Variants in TCF20 observed in about 807,000 individuals in gnomAD.
TCF20 encodes the protein SPRE-binding protein.
A neutral mutation model predicts 148.6 loss-of-function variants in TCF20; 3 were observed. The ratio of observed to expected loss-of-function variants is 0.02; its 90% CI spans 0.01 to 0.05. The LOEUF is 0.05. TCF20 is among the 10% of genes least tolerant of loss of function. The pLI is 1.00. For missense variants in TCF20, 2,350 were observed against 2,429.3 expected (o/e 0.97, Z 0.69); for synonymous variants, 1,049 against 909.5 (o/e 1.15, Z -2.76).
intron 3 of TCF20, among the ~76,000 whole-genome samples, chr22:42,174,853 G>A (rs937513933): frequency 3.3e-5 from 5 of 152,098 alleles, no homozygotes; most frequent in African/African-American, 1.2e-4. Context: ...GGCTAACACG[G>A]TGAAACCCCG....
At chr22:42,259,095 C>T (rs865865446) in intron 1 of TCF20, among the ~76,000 whole-genome samples, 6 of 152,290 alleles carry the variant, frequency 3.9e-5, no homozygotes, top group South Asian at 2.1e-4. Flanking sequence ...GCCTCTGACA[C>T]GAAAAAGTCT....
chr22:42,163,968 C>T (rs1935620480), intron 5 of TCF20, among the ~76,000 whole-genome samples: 2 of 152,104 alleles, frequency 1.3e-5, no homozygotes, highest in Admixed American at 6.6e-5. Context: ...ACGCCATCCT[C>T]GCGTCCTTCC....
intron 1 of TCF20, among the ~76,000 whole-genome samples, chr22:42,256,791 T>C (rs1356515016): frequency 6.6e-6 from 1 of 152,100 alleles, no homozygotes; most frequent in East Asian, 1.9e-4. Flanking sequence ...TTTATAGGAG[T>C]CATCTGGCTG....
At chr22:42,294,505 G>A (rs9623553) in intron 1 of TCF20, among the ~76,000 whole-genome samples, 8 of 152,158 alleles carry the variant, frequency 5.3e-5, no homozygotes, top group Admixed American at 5.2e-4. Flanking sequence ...AGTGCTCCCA[G>A]GCGAGCAGGT....
At chr22:42,250,318 C>T (rs1360132320) in intron 1 of TCF20, among the ~76,000 whole-genome samples, 2 of 151,888 alleles carry the variant, frequency 1.3e-5, no homozygotes, top group South Asian at 2.1e-4. Context: ...GGTGGCGGGG[C>T]GCCTGTAATC....
At chr22:42,172,086 G>A (rs955423272) in intron 3 of TCF20, among the ~76,000 whole-genome samples, 8 of 152,228 alleles carry the variant, frequency 5.3e-5, no homozygotes, top group Admixed American at 3.9e-4. Context: ...TGGAAATGAA[G>A]TCTCCTACAG....
At chr22:42,316,845 A>T (rs1273369576) in intron 1 of TCF20, among the ~76,000 whole-genome samples, 1 of 152,144 alleles carries the variant, frequency 6.6e-6, no homozygotes, top group Non-Finnish European at 1.5e-5. Flanking sequence ...TTTGGCCTCC[A>T]GCCCCTCTGA....
rs756339281 is a variant in TCF20, at chr22:42,213,120, G to A, written c.2186C>T (p.Thr729Ile). Residue 729 changes from threonine to isoleucine, a missense_variant, in exon 2 of 6, where the codon ACA becomes ATA. This residue lies in a region of TCF20 where 1,641 missense variants were observed against 1,662.6 expected (regional missense o/e 0.99). Coordinates refer to ENST00000677622, the MANE Select transcript of TCF20 (RefSeq NM_001378418.1). Reference protein sequence around the residue: ...RNVSGFPQYPTGQEKGDFTGH... With the variant: ...RNVSGFPQYPIGQEKGDFTGH... ...AGTGAAATCTCCCTTTTCTTGCCCT[G>A]TAGGATACTGAGGAAAGCCACTGAC... is the stretch of plus-strand genomic sequence containing the variant. 21 of 1,613,986 alleles carry A rather than the reference G, an allele frequency of 1.3e-5. No individual in the cohort carries two copies. Among genetic ancestry groups the A allele is most frequent in the Non-Finnish European group, 1.2e-5 (14 of 1,180,032 alleles).
intron 2 of TCF20, among the ~76,000 whole-genome samples, chr22:42,183,731 G>C (rs1412493457): frequency 6.6e-6 from 1 of 151,726 alleles, no homozygotes; most frequent in African/African-American, 2.4e-5. Context: ...AATACACGGG[G>C]ATTTCCCAAG....
chr22:42,329,690 G>A (rs953962838), intron 1 of TCF20, among the ~76,000 whole-genome samples: 1 of 152,226 alleles, frequency 6.6e-6, no homozygotes, highest in Non-Finnish European at 1.5e-5. Context: ...GGGTGGCCTA[G>A]CCACAGACGG....
At chr22:42,266,082 TAAAA>T (rs134876) in intron 1 of TCF20, among the ~76,000 whole-genome samples, 11 of 141,558 alleles carry the variant, frequency 7.8e-5, no homozygotes. Context: ...GCTTTAAAAT[TAAAA>T]AAAAAAAAAA....
intron 3 of TCF20, among the ~76,000 whole-genome samples, chr22:42,179,037 T>TAAAAAAAAAAA (rs60142024): frequency 8.3e-6 from 1 of 120,964 alleles, no homozygotes; most frequent in African/African-American, 3.0e-5. Flanking sequence ...TGGCTACAAT[T>TAAAAAAAAAAA]AAAAAAAAAA....
chr22:42,331,255 C>A (rs1048840561), intron 1 of TCF20, among the ~76,000 whole-genome samples: 1 of 152,198 alleles, frequency 6.6e-6, no homozygotes, highest in African/African-American at 2.4e-5. Context: ...CGCTAAGCCA[C>A]GAGCCACCGG....
chr22:42,187,164 T>G (rs1937084462), intron 2 of TCF20, among the ~76,000 whole-genome samples: 1 of 152,220 alleles, frequency 6.6e-6, no homozygotes, highest in Non-Finnish European at 1.5e-5. Context: ...CATGTGGATC[T>G]TAGGTCCAAC....
At chr22:42,188,305 A>AG in intron 2 of TCF20, among the ~76,000 whole-genome samples, 1 of 148,924 alleles carries the variant, frequency 6.7e-6, no homozygotes, top group South Asian at 2.1e-4. Context: ...AAAAAAAAAA[A>AG]AAAAAAAAAA....
chr22:42,256,701 T>C (rs140294596), intron 1 of TCF20, among the ~76,000 whole-genome samples: 167 of 152,318 alleles, frequency 1.1e-3, no homozygotes, highest in African/African-American at 3.9e-3. Context: ...GCATAGTGTA[T>C]CTTTTCATTT....
At chr22:42,194,041 G>T (rs776453660) in intron 2 of TCF20, among the ~76,000 whole-genome samples, 1 of 152,184 alleles carries the variant, frequency 6.6e-6, no homozygotes, top group Non-Finnish European at 1.5e-5. Context: ...AGGGATTTCA[G>T]AGTTCCCAAG....
chr22:42,236,563 G>C (rs985183951), intron 1 of TCF20, among the ~76,000 whole-genome samples: 2 of 152,228 alleles, frequency 1.3e-5, no homozygotes, highest in Non-Finnish European at 2.9e-5. Context: ...CCTCTAAAGT[G>C]CAAGAGTTTT....
At chr22:42,313,200 C>T (rs1202994827) in intron 1 of TCF20, among the ~76,000 whole-genome samples, 1 of 152,216 alleles carries the variant, frequency 6.6e-6, no homozygotes, top group South Asian at 2.1e-4. Context: ...AGTAGGCCTG[C>T]AATAAATGGA....
Sources: gnomAD v4.1 joint callset for allele counts (sites outside exome capture counted in the v4.1 genomes callset) on GRCh38, gnomAD v4.1.1 for gene constraint, gnomAD v4.1.1 regional missense constraint, MANE v1.5 for transcripts, NCBI Gene and HGNC (gene_info 2026-07-23, HGNC 2026-07-21) for gene names.